Variants in MYO10 observed in about 807,000 individuals in gnomAD.
MYO10 encodes unconventional myosin-X.
A neutral mutation model predicts 257.3 loss-of-function variants in MYO10; 133 were observed. The ratio of observed to expected loss-of-function variants is 0.52; its 90% CI spans 0.45 to 0.60. The LOEUF (loss-of-function observed/expected upper bound fraction) is 0.60, where lower values mean the gene tolerates loss of function less well. Ranked by LOEUF, MYO10 falls within the 20% of genes least tolerant of loss-of-function variation. MYO10 has a pLI of 0.00. For synonymous variants in MYO10, 1,104 were observed against 1,028.6 expected (o/e 1.07, Z -1.40); for missense variants, 2,399 against 2,635.7 (o/e 0.91, Z 1.97).
At chr5:16,712,238 C>T (rs1236200547) in intron 19 of MYO10, among the ~76,000 whole-genome samples, 1 of 152,186 alleles carries the variant, frequency 6.6e-6, no homozygotes, top group Non-Finnish European at 1.5e-5. Flanking sequence ...GCTCCATACT[C>T]TGATCACTAA....
At chr5:16,699,633 T>A in intron 25 of MYO10, 60 bp from the exon 26 acceptor site, 1 of 1,603,138 alleles carries the variant, frequency 6.2e-7, no homozygotes, top group Non-Finnish European at 8.5e-7. Context: ...GCCACGAAGA[T>A]ACCCAGCATG....
intron 1 of MYO10, among the ~76,000 whole-genome samples, chr5:16,882,175 A>G (rs773736277): frequency 2.0e-4 from 30 of 152,194 alleles, no homozygotes; most frequent in Non-Finnish European, 3.8e-4. Flanking sequence ...GCAATCCTAT[A>G]AGACAGAGAG....
At chr5:16,819,606 A>G (rs985643462) in intron 2 of MYO10, among the ~76,000 whole-genome samples, 3 of 152,224 alleles carry the variant, frequency 2.0e-5, no homozygotes, top group African/African-American at 7.2e-5. Flanking sequence ...CAGCCTTCAG[A>G]CACGCACAAA....
chr5:16,671,832 G>T (rs1019129943), intron 37 of MYO10, among the ~76,000 whole-genome samples: 3 of 152,122 alleles, frequency 2.0e-5, no homozygotes, highest in Non-Finnish European at 2.9e-5. Flanking sequence ...TGAGTCCACG[G>T]GAAGAAAAGA....
At chr5:16,883,909 C>T (rs576219220) in intron 1 of MYO10, among the ~76,000 whole-genome samples, 3 of 152,256 alleles carry the variant, frequency 2.0e-5, no homozygotes, top group Admixed American at 2.0e-4. Flanking sequence ...ATTACAGGTT[C>T]ACGAAAAAGA....
chr5:16,889,789 A>G (rs1013040034), intron 1 of MYO10, among the ~76,000 whole-genome samples: 4 of 151,740 alleles, frequency 2.6e-5, no homozygotes, highest in African/African-American at 9.7e-5. Flanking sequence ...GCAATAAAAG[A>G]CCAGCACAAG....
At position 16,769,101 on chromosome 5, in the gene MYO10, C is replaced by A; in HGVS notation, c.1033G>T (p.Gly345Cys). The change falls in exon 10 of 41, where the codon GGT becomes TGT. Residue 345 changes from glycine to cysteine, a missense_variant. Gly to Cys is a radical substitution (Grantham distance 159, BLOSUM62 -3). Coordinates refer to ENST00000513610, the MANE Select transcript of MYO10 (RefSeq NM_012334.3). ...HLGNIEFITA[G>C]GAQVSFKTAL... ...GTTTTGAAGGAAACCTGTGCCCCAC[C>A]AGCAGTGATAAATTCTATGTTCCCA... 6.2e-7 allele frequency: 1 copy of A among 1,611,854 alleles called. No individual in the cohort carries two copies. The highest frequency in any genetic ancestry group is 8.5e-7 in the Non-Finnish European group (1 of 1,179,160).
intron 1 of MYO10, among the ~76,000 whole-genome samples, chr5:16,910,533 C>G (rs1745632059): frequency 6.6e-6 from 1 of 152,130 alleles, no homozygotes; most frequent in Non-Finnish European, 1.5e-5. Context: ...ATAACAATGT[C>G]CTACACTAAA....
At chr5:16,743,848 C>T (rs1410903873) in intron 19 of MYO10, among the ~76,000 whole-genome samples, 3 of 152,144 alleles carry the variant, frequency 2.0e-5, no homozygotes, top group East Asian at 1.9e-4. Context: ...CTAATATCAA[C>T]TTTGGACTTT....
In MYO10 at chr5:16,912,845, C is replaced by CACACAT. The variant is rs1554008437; in HGVS notation, c.21+22942_21+22943insATGTGT. On this transcript the variant is annotated intron_variant, in intron 1 of 40. Coordinates refer to ENST00000513610, the MANE Select transcript of MYO10 (RefSeq NM_012334.3). Reference sequence around the variant, plus strand: ...ACACACACACACACACACACACACACACACCATGGTACCTCCAAGATTGAA... The same window carrying CACACAT: ...ACACACACACACACACACACACACACACACATACACCATGGTACCTCCAAGATTGAA... Among the ~76,000 whole-genome samples the CACACAT allele has an allele frequency of 1.2e-3, 185 of 150,646 alleles. 2 individuals are homozygous for CACACAT. Among genetic ancestry groups the CACACAT allele is most frequent in the African/African-American group, 4.5e-3 (182 of 40,842 alleles).
intron 29 of MYO10, 109 bp from the exon 30 acceptor site, chr5:16,684,044 CTTTTT>C: frequency 1.1e-5 from 11 of 958,548 alleles, no homozygotes; most frequent in Middle Eastern, 2.1e-4. Flanking sequence ...AGGCTCTTTT[CTTTTT>C]AACTTCAAAA....
At chr5:16,820,107 C>T (rs909157291) in intron 2 of MYO10, among the ~76,000 whole-genome samples, 22 of 152,222 alleles carry the variant, frequency 1.4e-4, no homozygotes, top group African/African-American at 4.8e-4. Context: ...GGTAGAAGTG[C>T]TTCGCACCCA....
At chr5:16,693,174 G>A (rs1253603304) in intron 27 of MYO10, among the ~76,000 whole-genome samples, 1 of 152,136 alleles carries the variant, frequency 6.6e-6, no homozygotes, top group South Asian at 2.1e-4. Flanking sequence ...AGGCTGAGGT[G>A]GGAGGATCAC....
At position 16,766,207 on chromosome 5, in the gene MYO10, A is replaced by T. The variant is rs1272237862; in HGVS notation, c.1061-9T>A. 3 of 1,604,502 alleles carry T rather than the reference A, an allele frequency of 1.9e-6. No individual in the cohort carries two copies. Among genetic ancestry groups the T allele is most frequent in the Non-Finnish European group, 2.6e-6 (3 of 1,172,252 alleles). On this transcript the variant is annotated splice_polypyrimidine_tract_variant and intron_variant, in intron 10 of 40. Transcript: ENST00000513610. ...CGCAGATCTGCCCAAAGCTGCAGAG[A>T]ATAAGACAAAGGTGAATGAACCCAC...
intron 34 of MYO10, among the ~76,000 whole-genome samples, chr5:16,675,684 A>G (rs1285414682): frequency 6.6e-6 from 1 of 152,084 alleles, no homozygotes; most frequent in Admixed American, 6.6e-5. Flanking sequence ...GTTGCAGTGA[A>G]CCAAGATTGC....
At position 16,904,373 on chromosome 5, in the gene MYO10, C is replaced by T. The variant is rs1745463916; in HGVS notation, c.22-26666G>A. 2.6e-5 allele frequency among the ~76,000 whole-genome samples: 4 copies of T among 152,282 alleles called. 1 individual carries two copies. The highest frequency in any genetic ancestry group is 2.1e-4 in the South Asian group (1 of 4,816). ...TCTGTGAGCTGCTCCAGCAAATTAA[C>T]TGAAACCCAGGAGAAGATCAAGGGA... On this transcript the variant is annotated intron_variant, in intron 1 of 40. Transcript: ENST00000513610.
At chr5:16,922,848 T>C (rs771680071) in intron 1 of MYO10, among the ~76,000 whole-genome samples, 2 of 151,974 alleles carry the variant, frequency 1.3e-5, no homozygotes, top group Non-Finnish European at 2.9e-5. Context: ...CTGGGCAACA[T>C]AGTGAGACCT....
chr5:16,910,169 T>G (rs922588567), intron 1 of MYO10, among the ~76,000 whole-genome samples: 1 of 152,214 alleles, frequency 6.6e-6, no homozygotes, highest in African/African-American at 2.4e-5. Flanking sequence ...GGTGATAGTT[T>G]CACAACAATG....
At chr5:16,908,710 T>C (rs1183110378) in intron 1 of MYO10, among the ~76,000 whole-genome samples, 2 of 152,144 alleles carry the variant, frequency 1.3e-5, no homozygotes, top group African/African-American at 4.8e-5. Flanking sequence ...TAGATAGATA[T>C]AGATATGATA....
Sources: gnomAD v4.1 joint callset for allele counts (sites outside exome capture counted in the v4.1 genomes callset) on GRCh38, gnomAD v4.1.1 for gene constraint, MANE v1.5 for transcripts, NCBI Gene and HGNC (gene_info 2026-07-23, HGNC 2026-07-21) for gene names.